CCDC18: variants seen among roughly 807,000 people sequenced by gnomAD.
CCDC18 encodes the protein coiled-coil domain containing 18, also known as coiled-coil domain-containing protein 18.
In CCDC18, 157 loss-of-function variants were observed where a neutral mutation model predicts 196.0. The ratio of observed to expected loss-of-function variants is 0.80; its 90% CI spans 0.70 to 0.91. CCDC18 has a LOEUF of 0.91. Ranked by LOEUF, CCDC18 falls within the 40% of genes least tolerant of loss-of-function variation. CCDC18 has a pLI of 0.00. For synonymous variants in CCDC18, 482 were observed against 529.2 expected (o/e 0.91, Z 1.22); for missense variants, 1,465 against 1,611.6 (o/e 0.91, Z 1.56).
At chr1:93,201,353 A>G (rs1025606615) in intron 6 of CCDC18, among the ~76,000 whole-genome samples, 6 of 152,194 alleles carry the variant, frequency 3.9e-5, no homozygotes, top group African/African-American at 1.4e-4. Context: ...ATAAGGAACT[A>G]AGAGATGAGG....
chr1:93,180,219 G>A (rs746120271), upstream of CCDC18: 51 of 1,612,034 alleles, frequency 3.2e-5, no homozygotes, highest in Non-Finnish European at 4.2e-5. Context: ...GCACGGGGAA[G>A]GGCAGCCAGA....
chr1:93,247,506 C>G (rs1557685781), intron 23 of CCDC18, among the ~76,000 whole-genome samples: 1 of 152,058 alleles, frequency 6.6e-6, no homozygotes. Context: ...CCTCAACATC[C>G]CAAGCTCAGG....
intron 5 of CCDC18, 28 bp downstream of exon 5, chr1:93,192,134 G>C (rs780580136): frequency 1.5e-5 from 21 of 1,414,060 alleles, no homozygotes; most frequent in Non-Finnish European, 1.8e-5. Context: ...AGCTCTCAAA[G>C]TTTTATTTTC....
chr1:93,272,588 T>C, intron 28 of CCDC18, among the ~76,000 whole-genome samples: 1 of 152,342 alleles, frequency 6.6e-6, no homozygotes, highest in East Asian at 1.9e-4. Flanking sequence ...AGGTTGATTA[T>C]TGACTATCAT....
intron 8 of CCDC18, 94 bp downstream of exon 8, chr1:93,205,725 G>A: frequency 8.6e-7 from 1 of 1,167,506 alleles, no homozygotes; most frequent in Non-Finnish European, 1.2e-6. Context: ...GTAATTATAG[G>A]CTTACATTAT....
chr1:93,227,987 T>TATATAC (rs1020280602), intron 17 of CCDC18, among the ~76,000 whole-genome samples: 3 of 145,592 alleles, frequency 2.1e-5, no homozygotes, highest in African/African-American at 7.5e-5. Flanking sequence ...TATATATATA[T>TATATAC]ATTTATTTAT....
chr1:93,241,448 G>A (rs1382341692), intron 21 of CCDC18, among the ~76,000 whole-genome samples: 1 of 151,818 alleles, frequency 6.6e-6, no homozygotes, highest in African/African-American at 2.4e-5. Flanking sequence ...ATTAGACCAG[G>A]CGCGGTGGCT....
chr1:93,223,879 T>C (rs1436534739), intron 16 of CCDC18, among the ~76,000 whole-genome samples: 1 of 148,532 alleles, frequency 6.7e-6, no homozygotes, highest in Non-Finnish European at 1.5e-5. Context: ...TGTTTGTTTT[T>C]GTTTTGATTT....
At chr1:93,189,479 A>G (rs768866880) in intron 4 of CCDC18, among the ~76,000 whole-genome samples, 2 of 152,162 alleles carry the variant, frequency 1.3e-5, no homozygotes, top group Non-Finnish European at 2.9e-5. Flanking sequence ...TCTTTTGGGT[A>G]TATGCCCAGC....
chr1:93,230,628 T>C (rs1045051432), intron 17 of CCDC18, among the ~76,000 whole-genome samples: 7 of 152,226 alleles, frequency 4.6e-5, no homozygotes, highest in African/African-American at 1.7e-4. Context: ...ATATATGTAA[T>C]TGAAATGTCA....
At chr1:93,234,403 G>A (rs957813467) in intron 18 of CCDC18, among the ~76,000 whole-genome samples, 10 of 151,168 alleles carry the variant, frequency 6.6e-5, no homozygotes, top group African/African-American at 2.2e-4. Context: ...CTTGTGATTC[G>A]CCCACCTCAG....
intron 26 of CCDC18, among the ~76,000 whole-genome samples, chr1:93,260,676 T>C (rs1663661538): frequency 6.6e-6 from 1 of 152,118 alleles, no homozygotes; most frequent in African/African-American, 2.4e-5. Flanking sequence ...CATGCAGTTT[T>C]GTTACATAGG....
intron 9 of CCDC18, among the ~76,000 whole-genome samples, chr1:93,209,603 G>A (rs1655279861): frequency 6.6e-6 from 1 of 152,218 alleles, no homozygotes; most frequent in African/African-American, 2.4e-5. Flanking sequence ...CTGGTAAGTA[G>A]TAGAATTTAA....
In CCDC18 at chr1:93,270,482, T is replaced by C; in HGVS notation, c.4021T>C (p.Phe1341Leu). Residue 1341 changes from phenylalanine to leucine, a missense_variant, in exon 28 of 29, where the codon TTT becomes CTT. Transcript: ENST00000690025. Reference protein sequence around the residue: ...DVQDPKFAKCFHTSFSKCTKL... With the variant: ...DVQDPKFAKCLHTSFSKCTKL... ...TCAAGATCCAAAATTTGCTAAATGT[T>C]TTCACACATCTTTTTCCAAGTGTAC... 6.4e-7 allele frequency: 1 copy of C among 1,550,434 alleles called. No homozygotes were observed. The highest frequency in any genetic ancestry group is 8.7e-7 in the Non-Finnish European group (1 of 1,146,900).
chr1:93,207,413 T>A lies in CCDC18; in HGVS notation c.1209+15T>A, dbSNP rs765151898. The stretch of plus-strand genomic sequence containing the variant: ...CCCAGTTGCCAGTAAGTATGTGTGA[T>A]TACGTAATGGAAAAGAAGAATTTTA... On this transcript the variant is annotated intron_variant, in intron 9 of 28. Coordinates refer to ENST00000690025, the MANE Select transcript of CCDC18 (RefSeq NM_001378204.1). 1.3e-6 allele frequency: 2 copies of A among 1,527,314 alleles called. No homozygotes were observed. Among genetic ancestry groups the A allele is most frequent in the South Asian group, 1.3e-5 (1 of 77,586 alleles). 94.6% of individuals were successfully genotyped at this position (1,527,314 alleles called of 1,614,324 possible). A position where few individuals can be genotyped will look rare whatever the true frequency, so the allele number is the denominator to read the frequency against.
At chr1:93,268,179 G>T (rs1486141607) in intron 27 of CCDC18, among the ~76,000 whole-genome samples, 1 of 152,168 alleles carries the variant, frequency 6.6e-6, no homozygotes, top group Non-Finnish European at 1.5e-5. Flanking sequence ...ATGGGGAAAG[G>T]ATTCCCTATT....
rs923887345 is a variant in CCDC18 at position 93,208,330 on chromosome 1, T to G, written c.1209+932T>G. On this transcript the variant is annotated intron_variant, in intron 9 of 28. Coordinates refer to ENST00000690025, the MANE Select transcript of CCDC18 (RefSeq NM_001378204.1). The stretch of plus-strand genomic sequence containing the variant: ...GTATCACATTGTGGTTTTTCTTTTT[T>G]TTTGTTTGTTTGTTTTTTTGACGGA... 5.0e-4 allele frequency among the ~76,000 whole-genome samples: 46 copies of G among 91,494 alleles called. 1 individual carries two copies. Among genetic ancestry groups the G allele is most frequent in the Admixed American group, 2.9e-3 (27 of 9,382 alleles). 60.0% of individuals were successfully genotyped at this position (91,494 alleles called of 152,430 possible). A position where few individuals can be genotyped will look rare whatever the true frequency, so the allele number is the denominator to read the frequency against.
intron 17 of CCDC18, 98 bp downstream of exon 17, chr1:93,226,547 CT>C: frequency 3.1e-6 from 1 of 318,992 alleles, no homozygotes; most frequent in Admixed American, 5.1e-5. Context: ...ATATATATTT[CT>C]TTTGAGACAG....
intron 6 of CCDC18, among the ~76,000 whole-genome samples, chr1:93,197,474 C>G (rs1314612453): frequency 6.6e-6 from 1 of 151,906 alleles, no homozygotes; most frequent in Non-Finnish European, 1.5e-5. Context: ...TTTAACAAAA[C>G]TAACTTTAAA....
Sources: gnomAD v4.1 joint callset for allele counts (sites outside exome capture counted in the v4.1 genomes callset) on GRCh38, gnomAD v4.1.1 for gene constraint, MANE v1.5 for transcripts, NCBI Gene and HGNC (gene_info 2026-07-23, HGNC 2026-07-21) for gene names.